Variants in ZFAND1 observed in about 807,000 individuals in gnomAD.
ZFAND1 encodes the protein zinc finger AN1-type containing 1.
A neutral mutation model predicts 38.5 loss-of-function variants in ZFAND1; 40 were observed. That is an observed-to-expected ratio of 1.04 (90% CI 0.81 to 1.35). ZFAND1 has a LOEUF of 1.35. Ranked by LOEUF, ZFAND1 falls within the 40% of genes most tolerant of loss-of-function variation. The pLI, the probability that ZFAND1 is intolerant of heterozygous loss-of-function variation, is 0.00. For synonymous variants in ZFAND1, 117 were observed against 103.6 expected (o/e 1.13, Z -0.78); for missense variants, 346 against 316.3 (o/e 1.09, Z -0.71).
At chr8:81,707,096 T>C (rs1207745445) in intron 6 of ZFAND1, among the ~76,000 whole-genome samples, 8 of 152,248 alleles carry the variant, frequency 5.3e-5, no homozygotes, top group Admixed American at 5.2e-4. Flanking sequence ...GGAATGGTTC[T>C]GAGTCAGGCC....
chr8:81,708,694 C>A, intron 6 of ZFAND1: 1 of 928,654 alleles, frequency 1.1e-6, no homozygotes, highest in Non-Finnish European at 1.3e-6. Context: ...AAAAAGAATG[C>A]TAATAGCTAC....
chr8:81,711,305 A>C (rs1164901788), intron 6 of ZFAND1, among the ~76,000 whole-genome samples: 1 of 151,996 alleles, frequency 6.6e-6, no homozygotes, highest in Non-Finnish European at 1.5e-5. Flanking sequence ...CCAGCTACTC[A>C]GGAGGCTGAG....
Position 81,702,641 on chromosome 8 carries a change from C to A in ZFAND1, c.*54G>T. ...TAGTATTTGTAGTAAAATAAATGGA[C>A]TTAAACATGTAATAGAATTTTCCCT... On this transcript the variant is annotated 3_prime_UTR_variant, in exon 8 of 8. Transcript: ENST00000220669. 1 of 1,354,026 alleles carries A rather than the reference C, an allele frequency of 7.4e-7. No individual in the cohort carries two copies. The highest frequency in any genetic ancestry group is 2.6e-5 in the East Asian group (1 of 37,872). The allele number at this position is 1,354,026 out of a possible 1,614,324, so 83.9% of individuals were successfully genotyped here.
rs562702568 is a variant in ZFAND1 at position 81,712,981 on chromosome 8, G to A, written c.480+937C>T. ...CCATATCTAGTAAAGCTGAAGATCAGCAAAGCCCATAATCCAGGTTTTCTA... is the reference window on the plus strand; with the variant it reads ...CCATATCTAGTAAAGCTGAAGATCAACAAAGCCCATAATCCAGGTTTTCTA... On this transcript the variant is annotated intron_variant, in intron 6 of 7. Transcript: ENST00000220669. Among the ~76,000 whole-genome samples, 7 of 152,258 alleles carry A rather than the reference G, an allele frequency of 4.6e-5. No homozygotes were observed. The South Asian group carries it at 1.2e-3, about 27-fold the overall frequency.
In ZFAND1 at chr8:81,720,280, C is replaced by T. The variant is rs1350539091; in HGVS notation, c.55+947G>A. 4.6e-5 allele frequency among the ~76,000 whole-genome samples: 7 copies of T among 152,142 alleles called. No homozygotes were observed. In the East Asian group the frequency reaches 1.2e-3, roughly 25 times the overall value. ...GCATCCTGAAGCCAATGCCACATCACCTTGGACTAGGTATATCCCAAGGTC... is the reference window on the plus strand; with the variant it reads ...GCATCCTGAAGCCAATGCCACATCATCTTGGACTAGGTATATCCCAAGGTC... On this transcript the variant is annotated intron_variant, in intron 1 of 7. Transcript: ENST00000220669.
chr8:81,714,117 T>C (rs1808228102), intron 5 of ZFAND1, 78 bp from the exon 6 acceptor site: 1 of 1,336,418 alleles, frequency 7.5e-7, no homozygotes, highest in Middle Eastern at 2.1e-4. Context: ...TTATTAATTA[T>C]GGCTCAGAAA....
At chr8:81,718,975 A>G (rs1808391566) in intron 1 of ZFAND1, among the ~76,000 whole-genome samples, 1 of 151,956 alleles carries the variant, frequency 6.6e-6, no homozygotes, top group South Asian at 2.1e-4. Flanking sequence ...ATACAAGCAC[A>G]TCCTTTCTGT....
At chr8:81,719,356 A>C (rs57452892) in intron 1 of ZFAND1, among the ~76,000 whole-genome samples, 67 of 55,116 alleles carry the variant, frequency 1.2e-3, no homozygotes, top group African/African-American at 4.8e-3. Flanking sequence ...CACACACACA[A>C]ATTAGCTGGG....
At chr8:81,713,883 A>G in intron 6 of ZFAND1, 35 bp downstream of exon 6, 1 of 1,609,940 alleles carries the variant, frequency 6.2e-7, no homozygotes, top group South Asian at 1.1e-5. Flanking sequence ...ACTATATTTG[A>G]AATTTTTGTG....
chr8:81,718,734 C>T (rs572572015), intron 1 of ZFAND1, among the ~76,000 whole-genome samples: 2 of 147,994 alleles, frequency 1.4e-5, no homozygotes, highest in South Asian at 2.1e-4. Context: ...ATATATATAT[C>T]GCCAAAGCTT....
rs372441444 is a variant in ZFAND1, at chr8:81,714,934, G to A, written c.267-39C>T. On this transcript the variant is annotated intron_variant, in intron 4 of 7. Transcript: ENST00000220669. The stretch of plus-strand genomic sequence containing the variant: ...AAGAGTGACACTAGTTCATGTGTTT[G>A]TATAGCACTTAAACAGATATACAAA... The A allele has an allele frequency of 3.6e-5, 58 of 1,613,862 alleles. 2 individuals carry two copies. Among genetic ancestry groups the A allele is most frequent in the Non-Finnish European group, 5.1e-6 (6 of 1,179,876 alleles).
At chr8:81,707,743 A>T (rs1164293105) in intron 6 of ZFAND1, among the ~76,000 whole-genome samples, 1 of 152,212 alleles carries the variant, frequency 6.6e-6, no homozygotes, top group Non-Finnish European at 1.5e-5. Flanking sequence ...AAATGAGTAG[A>T]CTGTAACAGA....
chr8:81,702,137 C>T lies in ZFAND1; in HGVS notation c.*558G>A, dbSNP rs534303873. 7 of 152,280 alleles carry T rather than the reference C, an allele frequency of 4.6e-5. No individual in the cohort carries two copies. The highest frequency in any genetic ancestry group is 1.4e-4 in the African/African-American group (6 of 41,546). The allele number at this position is 152,280 out of a possible 1,614,324, so 9.4% of individuals were successfully genotyped here. ...TTATAAGACTGAATAAAGATCACTT[C>T]TAAGTTTCTATAATTCATGTAGATA... On this transcript the variant is annotated 3_prime_UTR_variant, in exon 8 of 8. Transcript: ENST00000220669.
At chr8:81,703,550 G>A (rs1306137015) in intron 6 of ZFAND1, among the ~76,000 whole-genome samples, 1 of 152,220 alleles carries the variant, frequency 6.6e-6, no homozygotes, top group African/African-American at 2.4e-5. Flanking sequence ...CAGCCTCTGA[G>A]TAGCTGGGAT....
In ZFAND1 at chr8:81,714,814, T is replaced by G. The variant is rs1268035818; in HGVS notation, c.348A>C (p.Lys116Asn). 3 of 1,613,994 alleles carry G rather than the reference T, an allele frequency of 1.9e-6. No homozygotes were observed. The South Asian group carries it at 3.3e-5, about 18-fold the overall frequency. ...TTTCTAGATACTTACCAATAATGTCTTTAACAAGTTTCTGAGTGGCAGCCA... is the reference window on the plus strand; with the variant it reads ...TTTCTAGATACTTACCAATAATGTCGTTAACAAGTTTCTGAGTGGCAGCCA... ...PRMAATQKLV[K>N]DIIDSKTGET... is the part of the protein sequence containing the mutation. Residue 116 changes from lysine to asparagine, a missense_variant, in exon 5 of 8, where the codon AAA becomes AAC. Transcript: ENST00000220669.
chr8:81,717,407 C>T, intron 2 of ZFAND1, 119 bp from the exon 3 acceptor site: 1 of 643,222 alleles, frequency 1.6e-6, no homozygotes, highest in Middle Eastern at 3.2e-4. Flanking sequence ...ACATTAATAA[C>T]TTTGAATATG....
Position 81,702,177 on chromosome 8 carries a change from T to A in ZFAND1, c.*518A>T, listed in dbSNP as rs546436522. The A allele has an allele frequency of 6.6e-6, 1 of 152,384 alleles. No individual in the cohort carries two copies. Among genetic ancestry groups the A allele is most frequent in the South Asian group, 2.1e-4 (1 of 4,830 alleles). 9.4% of individuals were successfully genotyped at this position (152,384 alleles called of 1,614,324 possible). ...TCATGTAGATATATCAATTTATACATCATGATGTAGACAGACAGCAAGGCT... is the reference window on the plus strand; with the variant it reads ...TCATGTAGATATATCAATTTATACAACATGATGTAGACAGACAGCAAGGCT... On this transcript the variant is annotated 3_prime_UTR_variant, in exon 8 of 8. Transcript: ENST00000220669.
intron 1 of ZFAND1, among the ~76,000 whole-genome samples, chr8:81,719,554 G>C (rs1045721295): frequency 6.6e-6 from 1 of 152,064 alleles, no homozygotes; most frequent in Non-Finnish European, 1.5e-5. Flanking sequence ...TGCAGTGACT[G>C]GGTGGAGATG....
chr8:81,721,286 CCGGCGCCGTAAG>C lies in ZFAND1; in HGVS notation c.-17_-6del. The C allele has an allele frequency of 3.9e-6, 6 of 1,548,492 alleles. No individual in the cohort carries two copies. Among genetic ancestry groups the C allele is most frequent in the Non-Finnish European group, 5.2e-6 (6 of 1,146,984 alleles). ...CCCGATGTCCAACTCCGCCATCTCTCCGGCGCCGTAAGGGGCGGGGCAAAGCCTGAGGGGCGG... is the reference window on the plus strand; with the variant it reads ...CCCGATGTCCAACTCCGCCATCTCTCGGGCGGGGCAAAGCCTGAGGGGCGG... On this transcript the variant is annotated 5_prime_UTR_variant, in exon 1 of 8. Transcript: ENST00000220669.
Sources: gnomAD v4.1 joint callset for allele counts (sites outside exome capture counted in the v4.1 genomes callset) on GRCh38, gnomAD v4.1.1 for gene constraint, MANE v1.5 for transcripts, NCBI Gene and HGNC (gene_info 2026-07-23, HGNC 2026-07-21) for gene names.